BANP: variants seen among roughly 807,000 people sequenced by gnomAD.
BANP encodes BTG3 associated nuclear protein, also known as protein BANP.
BANP carries 11 observed loss-of-function variants against 68.1 expected under a neutral mutation model. The observed-to-expected ratio is 0.16, with a 90% CI of 0.10 to 0.27. The LOEUF (loss-of-function observed/expected upper bound fraction) is 0.27, where lower values mean the gene tolerates loss of function less well. Ranked by LOEUF, BANP falls within the 10% of genes least tolerant of loss-of-function variation. BANP has a pLI of 1.00. For missense variants in BANP, 504 were observed against 722.7 expected, an observed-to-expected ratio of 0.70 and a Z score of 3.47; for synonymous variants, 329 against 303.2, an observed-to-expected ratio of 1.09 and a Z score of -0.88.
At chr16:87,983,009 C>T (rs2063577206) in intron 3 of BANP, among the ~76,000 whole-genome samples, 1 of 152,212 alleles carries the variant, frequency 6.6e-6, no homozygotes, top group South Asian at 2.1e-4. Context: ...CTCCCCTGTG[C>T]TGCGAGCTCC....
intron 1 of BANP, among the ~76,000 whole-genome samples, chr16:87,971,573 C>A (rs1406613015): frequency 6.7e-6 from 1 of 149,118 alleles, no homozygotes; most frequent in Non-Finnish European, 1.5e-5. Context: ...GCTTGGATGG[C>A]TAAAAAATTT....
At chr16:87,963,996 C>G (rs1290793010) in intron 1 of BANP, among the ~76,000 whole-genome samples, 1 of 152,212 alleles carries the variant, frequency 6.6e-6, no homozygotes, top group Non-Finnish European at 1.5e-5. Context: ...CTCCTGATGA[C>G]CAGCTACCGT....
intron 6 of BANP, among the ~76,000 whole-genome samples, chr16:88,008,002 A>C (rs2071759180): frequency 6.6e-6 from 1 of 152,170 alleles, no homozygotes; most frequent in Admixed American, 6.5e-5. Flanking sequence ...CCCCCAGAAG[A>C]AGCCCTGTGC....
rs1225915698 is a variant in BANP, at chr16:88,057,513, T to G, written c.1312-7754T>G. On this transcript the variant is annotated intron_variant, in intron 11 of 13. Transcript: ENST00000682872. The surrounding 1 kb of genome is among the most constrained non-coding windows in gnomAD (Gnocchi z 4.6). ...CTCGTCAGAGTCAAGAAACGAGGAGTGAAAAACACCCCTCAGGTCGCTTCA... is the reference window on the plus strand; with the variant it reads ...CTCGTCAGAGTCAAGAAACGAGGAGGGAAAAACACCCCTCAGGTCGCTTCA... Among the ~76,000 whole-genome samples the G allele has an allele frequency of 6.6e-6, 1 of 151,412 alleles. No homozygotes were observed. The highest frequency in any genetic ancestry group is 1.5e-5 in the Non-Finnish European group (1 of 67,862).
At chr16:87,985,052 T>C (rs1365597243) in intron 4 of BANP, among the ~76,000 whole-genome samples, 2 of 151,842 alleles carry the variant, frequency 1.3e-5, no homozygotes, top group South Asian at 2.1e-4. Context: ...GGGGAGGACA[T>C]GTGGACGCCG....
rs920287599 is a variant in BANP, at chr16:88,058,369, C to T, written c.1312-6898C>T. On this transcript the variant is annotated intron_variant, in intron 11 of 13. Transcript: ENST00000682872. ...ACGTGCTGATGTCAGGCGCCTTCGT[C>T]GACTGAGCTCCTTCCTGGGCCCTGT... Among the ~76,000 whole-genome samples, 9 of 152,288 alleles carry T rather than the reference C, an allele frequency of 5.9e-5. No homozygotes were observed. The South Asian group carries it at 1.0e-3, about 18-fold the overall frequency.
chr16:87,955,954 C>A (rs2057961543), intron 1 of BANP, among the ~76,000 whole-genome samples: 1 of 152,186 alleles, frequency 6.6e-6, no homozygotes, highest in Admixed American at 6.5e-5. Flanking sequence ...TTCCTGCAGG[C>A]AGGTGGCCAG....
At chr16:88,014,558 T>A (rs1029277761) in intron 6 of BANP, among the ~76,000 whole-genome samples, 2 of 152,002 alleles carry the variant, frequency 1.3e-5, no homozygotes, top group Admixed American at 1.3e-4. Context: ...ACTTTAAAAA[T>A]ATTATCTCAC....
intron 8 of BANP, among the ~76,000 whole-genome samples, chr16:88,031,651 A>ATC (rs1362660429): frequency 1.3e-5 from 2 of 150,682 alleles, no homozygotes; most frequent in East Asian, 1.9e-4. Flanking sequence ...TCTCTCTCAA[A>ATC]AAAAAAAAAA....
intron 8 of BANP, among the ~76,000 whole-genome samples, chr16:88,027,859 T>C (rs1416589057): frequency 6.6e-6 from 1 of 152,238 alleles, no homozygotes; most frequent in Non-Finnish European, 1.5e-5. Flanking sequence ...TCGGGCCTGC[T>C]CCAGGCTCCT....
upstream of BANP, chr16:87,950,440 C>G (rs1271234740): frequency 6.8e-6 from 1 of 146,662 alleles, no homozygotes; most frequent in Non-Finnish European, 1.5e-5. Flanking sequence ...CACGTCATCA[C>G]TTTTTTTTTT....
chr16:87,953,779 CCT>C (rs1347969959), intron 1 of BANP, among the ~76,000 whole-genome samples: 1 of 152,188 alleles, frequency 6.6e-6, no homozygotes, highest in Non-Finnish European at 1.5e-5. Context: ...TCCTTCAGCC[CCT>C]GTCCTTCTCA....
chr16:88,051,201 G>A (rs2083187784), intron 11 of BANP, among the ~76,000 whole-genome samples: 1 of 152,228 alleles, frequency 6.6e-6, no homozygotes, highest in Non-Finnish European at 1.5e-5. Context: ...AGTGGTTTAG[G>A]GCTGAGGCCG....
chr16:87,979,296 C>T (rs1292994509), intron 2 of BANP, among the ~76,000 whole-genome samples: 2 of 152,142 alleles, frequency 1.3e-5, no homozygotes, highest in African/African-American at 2.4e-5. Flanking sequence ...CCTCTAGCAC[C>T]TGGAGAATCT....
At chr16:87,961,409 A>C (rs7204840) in intron 1 of BANP, among the ~76,000 whole-genome samples, 79,014 of 122,564 alleles carry the variant, frequency 0.64, 28,101 homozygotes, top group African/African-American at 0.79. Context: ...CAGAATCTGC[A>C]CCCCCCCGGG....
intron 6 of BANP, among the ~76,000 whole-genome samples, chr16:88,013,017 G>T (rs1326615253): frequency 1.3e-5 from 2 of 152,192 alleles, no homozygotes; most frequent in East Asian, 1.9e-4. Flanking sequence ...ATATGAGACA[G>T]TGCCTTCCAT....
At chr16:88,006,003 A>C (rs778429761) in intron 5 of BANP, 87 bp from the exon 6 acceptor site, 2 of 1,528,290 alleles carry the variant, frequency 1.3e-6, no homozygotes, top group Non-Finnish European at 1.8e-6. Context: ...ACACAGAGTT[A>C]GATTTTGCGA....
chr16:87,956,145 C>T (rs893257322), intron 1 of BANP, among the ~76,000 whole-genome samples: 1 of 152,172 alleles, frequency 6.6e-6, no homozygotes, highest in Non-Finnish European at 1.5e-5. Flanking sequence ...CTGTACAAAT[C>T]CCAAAAACTC....
intron 6 of BANP, among the ~76,000 whole-genome samples, chr16:88,016,661 C>T (rs561077032): frequency 3.3e-5 from 5 of 152,358 alleles, no homozygotes; most frequent in African/African-American, 4.8e-5. Context: ...TTTGCAGCTG[C>T]GGCCTTTAGA....
Sources: gnomAD v4.1 joint callset for allele counts (sites outside exome capture counted in the v4.1 genomes callset) on GRCh38, gnomAD v4.1.1 for gene constraint, Gnocchi (gnomAD v3.1) non-coding constraint, MANE v1.5 for transcripts, NCBI Gene and HGNC (gene_info 2026-07-23, HGNC 2026-07-21) for gene names.